CUBN: variants seen among roughly 807,000 people sequenced by gnomAD.
CUBN encodes the protein cubilin, also known as 460 kDa receptor.
Under a neutral mutation model 405.3 loss-of-function variants are expected in CUBN, and 282 were observed. The ratio of observed to expected loss-of-function variants is 0.70; its 90% CI spans 0.63 to 0.77. The LOEUF (loss-of-function observed/expected upper bound fraction) is 0.77, where lower values mean the gene tolerates loss of function less well. Among genes scored for constraint, CUBN ranks in the 30% least tolerant of loss-of-function variants. The probability of loss-of-function intolerance (pLI) is 0.00; values close to 1 mark genes in which losing one functional copy is unlikely to be tolerated. For synonymous variants in CUBN, 1,684 were observed against 1,617.0 expected, an observed-to-expected ratio of 1.04 and a Z score of -0.99; for missense variants, 4,514 against 4,475.2, an observed-to-expected ratio of 1.01 and a Z score of -0.25.
intron 56 of CUBN, among the ~76,000 whole-genome samples, chr10:16,888,034 T>C (rs927743457): frequency 2.6e-5 from 4 of 152,146 alleles, no homozygotes; most frequent in Non-Finnish European, 5.9e-5. Flanking sequence ...GTCGAACTCA[T>C]AGAAGCAGAG....
chr10:16,983,427 T>C (rs1167998902), intron 30 of CUBN, among the ~76,000 whole-genome samples: 3 of 152,196 alleles, frequency 2.0e-5, no homozygotes, highest in Admixed American at 6.5e-5. Flanking sequence ...CTGTGGAACT[T>C]TGGGCAAGAC....
At chr10:16,933,640 C>T (rs578236781) in intron 39 of CUBN, among the ~76,000 whole-genome samples, 1 of 152,044 alleles carries the variant, frequency 6.6e-6, no homozygotes, top group Non-Finnish European at 1.5e-5. Flanking sequence ...GTTTCTTTAT[C>T]ATTTTTGCGT....
intron 27 of CUBN, among the ~76,000 whole-genome samples, chr10:17,034,246 G>C (rs1304257438): frequency 1.3e-5 from 2 of 152,170 alleles, no homozygotes; most frequent in African/African-American, 4.8e-5. Flanking sequence ...ATAAGGAAAA[G>C]GGGGAGAAAG....
At chr10:17,014,655 C>G (rs1834278838) in intron 28 of CUBN, among the ~76,000 whole-genome samples, 1 of 152,176 alleles carries the variant, frequency 6.6e-6, no homozygotes, top group Non-Finnish European at 1.5e-5. Context: ...CCTTGATTAG[C>G]TAGAAATTTC....
chr10:16,929,514 C>T (rs1248018013), intron 40 of CUBN, among the ~76,000 whole-genome samples: 2 of 152,184 alleles, frequency 1.3e-5, no homozygotes, highest in African/African-American at 4.8e-5. Context: ...CTTTGTGGCA[C>T]TGACTACAAC....
At chr10:17,026,061 T>C (rs1191382236) in intron 27 of CUBN, among the ~76,000 whole-genome samples, 1 of 152,090 alleles carries the variant, frequency 6.6e-6, no homozygotes, top group Non-Finnish European at 1.5e-5. Context: ...CCCCTTTGGG[T>C]CCTACCCAGC....
chr10:16,946,062 C>T (rs895622102), intron 36 of CUBN, among the ~76,000 whole-genome samples: 5 of 152,212 alleles, frequency 3.3e-5, no homozygotes, highest in African/African-American at 1.2e-4. Flanking sequence ...TCAAAACAAT[C>T]CTCTTCTCTC....
intron 56 of CUBN, among the ~76,000 whole-genome samples, chr10:16,881,728 A>G (rs118019144): frequency 0.025 from 3,827 of 152,340 alleles, 67 homozygotes; most frequent in Non-Finnish European, 0.04. Context: ...TCTCTCCAAA[A>G]GAAATCAAAC....
At chr10:16,998,546 C>A (rs749549204) in intron 28 of CUBN, among the ~76,000 whole-genome samples, 1 of 152,174 alleles carries the variant, frequency 6.6e-6, no homozygotes, top group Non-Finnish European at 1.5e-5. Context: ...TGTCCCATGC[C>A]ACCCAGTTTG....
At chr10:16,953,716 G>C (rs759384676) in intron 32 of CUBN, among the ~76,000 whole-genome samples, 1 of 152,114 alleles carries the variant, frequency 6.6e-6, no homozygotes, top group East Asian at 1.9e-4. Flanking sequence ...AGCCAGGCGT[G>C]GGGGTGCACC....
intron 31 of CUBN, among the ~76,000 whole-genome samples, chr10:16,980,953 T>C (rs1833253005): frequency 6.6e-6 from 1 of 151,868 alleles, no homozygotes; most frequent in South Asian, 2.1e-4. Flanking sequence ...CGCAAAGCAT[T>C]AGTTTCAGGT....
chr10:17,047,530 G>A lies in CUBN; in HGVS notation c.3213C>T (p.Asn1071=), dbSNP rs1588609599. ...CTGTGATCCGATAAATGCATTCCCA[G>A]TTGTTGGGATAATTATTGGGGAAGT... is the stretch of plus-strand genomic sequence containing the variant. ...SPNFPNNYPN[N]WECIYRITVR... Residue 1071 remains asparagine (N), a synonymous_variant, in exon 23 of 67, where the codon AAC becomes AAT. Coordinates refer to ENST00000377833, the MANE Select transcript of CUBN (RefSeq NM_001081.4). 1 of 1,613,826 alleles carries A rather than the reference G, an allele frequency of 6.2e-7. No individual in the cohort carries two copies. The highest frequency in any genetic ancestry group is 1.1e-5 in the South Asian group (1 of 91,080).
At chr10:16,901,264 C>G in intron 52 of CUBN, 74 bp downstream of exon 52, 5 of 1,600,866 alleles carry the variant, frequency 3.1e-6, no homozygotes, top group Non-Finnish European at 4.3e-6. Context: ...AATAAAAGAG[C>G]TCCATTTTCA....
At chr10:16,919,065 G>A (rs1841966512) in intron 44 of CUBN, among the ~76,000 whole-genome samples, 1 of 152,026 alleles carries the variant, frequency 6.6e-6, no homozygotes, top group African/African-American at 2.4e-5. Flanking sequence ...TTCTGTATTG[G>A]TTTTACAAAC....
chr10:16,947,348 G>A lies in CUBN; in HGVS notation c.5229C>T (p.Tyr1743=). 1 of 1,614,114 alleles carries A rather than the reference G, an allele frequency of 6.2e-7. No homozygotes were observed. Among genetic ancestry groups the A allele is most frequent in the Non-Finnish European group, 8.5e-7 (1 of 1,179,994 alleles). Reference sequence around the variant, plus strand: ...GGCTGTTGAAGATGCCTTCAGCCATGTAGAACGTTCCACCACAAGCTGGAA... The same window carrying A: ...GGCTGTTGAAGATGCCTTCAGCCATATAGAACGTTCCACCACAAGCTGGAA... ...ASVSACGGTF[Y]MAEGIFNSPG... The change falls in exon 36 of 67, where the codon TAC becomes TAT. Residue 1743 remains tyrosine (Y), a synonymous_variant. Coordinates refer to ENST00000377833, the MANE Select transcript of CUBN (RefSeq NM_001081.4).
chr10:17,079,671 G>A (rs528315454), intron 17 of CUBN, among the ~76,000 whole-genome samples: 111 of 152,288 alleles, frequency 7.3e-4, no homozygotes, highest in African/African-American at 2.5e-3. Flanking sequence ...CCTATGTGGT[G>A]TGTTTGCTTG....
chr10:17,085,505 C>A, intron 16 of CUBN, 92 bp downstream of exon 16: 1 of 1,259,720 alleles, frequency 7.9e-7, no homozygotes, highest in South Asian at 1.2e-5. Context: ...GACAGTCAGT[C>A]ATCCTCTGAA....
rs1335560493 is a variant in CUBN at position 16,828,807 on chromosome 10, C to T, written c.10762G>A (p.Gly3588Ser). The T allele has an allele frequency of 6.2e-7, 1 of 1,605,890 alleles. No individual in the cohort carries two copies. The highest frequency in any genetic ancestry group is 1.3e-5 in the African/African-American group (1 of 74,858). ...TATAAAATGTTTGTTTTACTCACGC[C>T]TCCGCAGTATGGTCCAGAGGATGGA... ...SSPSSGPYCGGDTSIAPFVAS... is the reference protein window; with the variant it reads ...SSPSSGPYCGSDTSIAPFVAS... Residue 3588 changes from glycine (G) to serine (S), a missense_variant and splice_region_variant, in exon 66 of 67, where the codon GGC becomes AGC. By Grantham distance (56) the Gly-to-Ser change is moderately conservative. Transcript: ENST00000377833.
Position 16,925,596 on chromosome 10 carries a change from C to A in CUBN, c.6450G>T (p.Gly2150=), listed in dbSNP as rs549937453. The A allele has an allele frequency of 1.1e-5, 17 of 1,613,822 alleles. No homozygotes were observed. The highest frequency in any genetic ancestry group is 6.7e-5 in the African/African-American group (5 of 74,974). ...CAGCAAGACCTACCACCAAGTAATC[C>A]CCCTGGTTGCAAGAAGAATCTCCAT... ...IPNGDSSCNQ[G]DYLVLRNGPD... The change falls in exon 42 of 67, where the codon GGG becomes GGT. Residue 2150 remains glycine, a synonymous_variant. Transcript: ENST00000377833.
Sources: gnomAD v4.1 joint callset for allele counts (sites outside exome capture counted in the v4.1 genomes callset) on GRCh38, gnomAD v4.1.1 for gene constraint, MANE v1.5 for transcripts, NCBI Gene and HGNC (gene_info 2026-07-23, HGNC 2026-07-21) for gene names.